NOS1: variants seen among roughly 807,000 people sequenced by gnomAD.
NOS1 encodes nitric oxide synthase 1, also known as NOS type I.
NOS1 carries 51 observed loss-of-function variants against 164.5 expected under a neutral mutation model. That is an observed-to-expected ratio of 0.31 (90% CI 0.25 to 0.39). The LOEUF (loss-of-function observed/expected upper bound fraction) is 0.39. Among genes scored for constraint, NOS1 ranks in the 10% least tolerant of loss-of-function variants. NOS1 has a pLI of 1.00. For synonymous variants in NOS1, 719 were observed against 745.8 expected (o/e 0.96, Z 0.59); for missense variants, 1,362 against 1,885.6 (o/e 0.72, Z 5.14).
At chr12:117,275,039 G>T (rs1180882312) in intron 9 of NOS1, among the ~76,000 whole-genome samples, 1 of 152,008 alleles carries the variant, frequency 6.6e-6, no homozygotes, top group Non-Finnish European at 1.5e-5. Context: ...TTAATTGTTT[G>T]TAACTCAAAG....
At chr12:117,215,973 G>A (rs1321260507) in intron 28 of NOS1, among the ~76,000 whole-genome samples, 2 of 146,804 alleles carry the variant, frequency 1.4e-5, no homozygotes, top group East Asian at 4.0e-4. Flanking sequence ...TGCCTCCTAG[G>A]TTCAAGCGAT....
At position 117,212,722 on chromosome 12, in the gene NOS1, T is replaced by A; in HGVS notation, c.*2587A>T. The A allele has an allele frequency of 1.0e-6, 1 of 985,468 alleles. No individual in the cohort carries two copies. The allele number at this position is 985,468 out of a possible 1,614,324, so 61.0% of individuals were successfully genotyped here. ...GCTTACCCATTGCTTAATTCTATTT[T>A]GCACTTAAACGGTTGGCTACGAGGC... On this transcript the variant is annotated 3_prime_UTR_variant, in exon 29 of 29. Coordinates refer to ENST00000317775, the MANE Select transcript of NOS1 (RefSeq NM_000620.5).
intron 1 of NOS1, among the ~76,000 whole-genome samples, chr12:117,344,235 A>G (rs1426223229): frequency 6.6e-6 from 1 of 152,214 alleles, no homozygotes; most frequent in East Asian, 1.9e-4. Context: ...TCATCTGCAC[A>G]ATATAATTGA....
chr12:117,324,739 A>G (rs551733302), intron 2 of NOS1, among the ~76,000 whole-genome samples: 3 of 152,106 alleles, frequency 2.0e-5, no homozygotes, highest in African/African-American at 7.2e-5. Context: ...AAATAAATAA[A>G]GTGACTGCTC....
chr12:117,261,543 G>C (rs1871910231), intron 13 of NOS1, among the ~76,000 whole-genome samples: 1 of 152,152 alleles, frequency 6.6e-6, no homozygotes, highest in African/African-American at 2.4e-5. Flanking sequence ...AGTTTGATGG[G>C]ATTTAGAGGT....
At chr12:117,277,196 T>G (rs1190724155) in intron 9 of NOS1, among the ~76,000 whole-genome samples, 1 of 152,090 alleles carries the variant, frequency 6.6e-6, no homozygotes, top group Non-Finnish European at 1.5e-5. Flanking sequence ...TGAGATGCTA[T>G]CTCATTGTGG....
intron 16 of NOS1, 85 bp from the exon 17 acceptor site, chr12:117,253,839 G>C: frequency 3.5e-6 from 3 of 868,978 alleles, no homozygotes; most frequent in Non-Finnish European, 5.8e-6. Flanking sequence ...CAAGTGACCA[G>C]TCCTGATTCT....
chr12:117,295,541 T>G (rs897120914), intron 3 of NOS1, among the ~76,000 whole-genome samples: 2 of 151,958 alleles, frequency 1.3e-5, no homozygotes, highest in Non-Finnish European at 2.9e-5. Context: ...ATGTAAAGGG[T>G]TGAATTCCAG....
Position 117,208,391 on chromosome 12 carries a change from C to CGTGTGTGTGTGTGTGTGTGT in NOS1, c.*6898_*6917dup. On this transcript the variant is annotated 3_prime_UTR_variant, in exon 29 of 29. Transcript: ENST00000317775. Reference sequence around the variant, plus strand: ...GGGGGGACGGCCGAGTTTCTGACAGCGTGTGTGTGTGTGTGTGTGTGTGTG... The same window carrying CGTGTGTGTGTGTGTGTGTGT: ...GGGGGGACGGCCGAGTTTCTGACAGCGTGTGTGTGTGTGTGTGTGTGTGTGTGTGTGTGTGTGTGTGTGTG... 0.021 allele frequency: 25,371 copies of CGTGTGTGTGTGTGTGTGTGT among 1,231,836 alleles called. 996 individuals are homozygous for CGTGTGTGTGTGTGTGTGTGT. The highest frequency in any genetic ancestry group is 0.037 in the African/African-American group (2,109 of 57,092). 76.3% of individuals were successfully genotyped at this position (1,231,836 alleles called of 1,614,324 possible). A position where few individuals can be genotyped will look rare whatever the true frequency, so the allele number is the denominator to read the frequency against.
intron 1 of NOS1, among the ~76,000 whole-genome samples, chr12:117,349,809 G>A (rs930849236): frequency 1.3e-5 from 2 of 152,230 alleles, no homozygotes; most frequent in South Asian, 2.1e-4. Flanking sequence ...CTGCAGTCTC[G>A]AACTCCTGGG....
intron 3 of NOS1, among the ~76,000 whole-genome samples, chr12:117,303,667 G>C (rs1873970950): frequency 1.3e-5 from 2 of 152,126 alleles, no homozygotes; most frequent in Non-Finnish European, 2.9e-5. Context: ...TCTGAAAATA[G>C]ATGTTCCATC....
intron 2 of NOS1, among the ~76,000 whole-genome samples, chr12:117,325,226 C>A (rs1387663011): frequency 3.3e-5 from 5 of 152,134 alleles, no homozygotes; most frequent in African/African-American, 1.2e-4. Context: ...GGAGAGGTCA[C>A]CGGGAGGATG....
chr12:117,313,775 ACT>A (rs763429878), intron 2 of NOS1, among the ~76,000 whole-genome samples: 1 of 151,890 alleles, frequency 6.6e-6, no homozygotes, highest in Non-Finnish European at 1.5e-5. Context: ...GAGTCCTTCT[ACT>A]CTCTGAATAC....
chr12:117,241,359 A>C (rs1870161720), intron 20 of NOS1, among the ~76,000 whole-genome samples: 1 of 151,288 alleles, frequency 6.6e-6, no homozygotes, highest in Non-Finnish European at 1.5e-5. Flanking sequence ...AGCATAGCTC[A>C]CTGCAATATG....
At chr12:117,343,832 T>C (rs1306640868) in intron 1 of NOS1, among the ~76,000 whole-genome samples, 2 of 152,130 alleles carry the variant, frequency 1.3e-5, no homozygotes, top group African/African-American at 4.8e-5. Context: ...AAAAAAGAAG[T>C]AAGAATAACT....
At chr12:117,305,357 G>A (rs968928518) in intron 3 of NOS1, among the ~76,000 whole-genome samples, 2 of 152,142 alleles carry the variant, frequency 1.3e-5, no homozygotes, top group African/African-American at 4.8e-5. Flanking sequence ...CCAGCTACTC[G>A]GGAGGCTGAG....
At chr12:117,219,203 G>T (rs1428412919) in intron 27 of NOS1, among the ~76,000 whole-genome samples, 1 of 152,004 alleles carries the variant, frequency 6.6e-6, no homozygotes, top group Admixed American at 6.6e-5. Context: ...GGATGGTCTC[G>T]ATCTCTTGAC....
In NOS1 at chr12:117,243,858, A is replaced by G. The variant is rs1013057168; in HGVS notation, c.2824-423T>C. On this transcript the variant is annotated intron_variant, in intron 18 of 28. Coordinates refer to ENST00000317775, the MANE Select transcript of NOS1 (RefSeq NM_000620.5). This position sits in a 1 kb window ranked among gnomAD's most constrained non-coding sequence, Gnocchi z 4.3. Reference sequence around the variant, plus strand: ...TTTCCATGCATCCATCCTTCCATCCATCTACCCACCCACCCACCTATCCAT... The same window carrying G: ...TTTCCATGCATCCATCCTTCCATCCGTCTACCCACCCACCCACCTATCCAT... Among the ~76,000 whole-genome samples, 3 of 150,542 alleles carry G rather than the reference A, an allele frequency of 2.0e-5. No individual in the cohort carries two copies. Among genetic ancestry groups the G allele is most frequent in the African/African-American group, 4.9e-5 (2 of 40,754 alleles).
Position 117,210,965 on chromosome 12 carries a change from AT to A in NOS1, c.*4343del, listed in dbSNP as rs63278660. On this transcript the variant is annotated 3_prime_UTR_variant, in exon 29 of 29. Transcript: ENST00000317775. ...GTTTTATTTTATTTTATTTTATTTT[AT>A]TTTTTTTGAGATAAGAGTCTTGCTC... The A allele has an allele frequency of 2.5e-5, 24 of 952,408 alleles. No homozygotes were observed. The highest frequency in any genetic ancestry group is 1.5e-4 in the South Asian group (3 of 20,594). 59.0% of individuals were successfully genotyped at this position (952,408 alleles called of 1,614,324 possible). A position where few individuals can be genotyped will look rare whatever the true frequency, so the allele number is the denominator to read the frequency against.
Sources: gnomAD v4.1 joint callset for allele counts (sites outside exome capture counted in the v4.1 genomes callset) on GRCh38, gnomAD v4.1.1 for gene constraint, Gnocchi (gnomAD v3.1) non-coding constraint, MANE v1.5 for transcripts, NCBI Gene and HGNC (gene_info 2026-07-23, HGNC 2026-07-21) for gene names.